CMC1: variants seen among roughly 807,000 people sequenced by gnomAD.
CMC1 encodes C-X9-C motif containing 1.
CMC1 carries 14 observed loss-of-function variants against 14.1 expected under a neutral mutation model. The observed-to-expected ratio is 0.99, with a 90% CI of 0.66 to 1.55. CMC1 has a LOEUF of 1.55. Among genes scored for constraint, CMC1 ranks in the 40% most tolerant of loss-of-function variants. The pLI, the probability that CMC1 is intolerant of heterozygous loss-of-function variation, is 0.00. For synonymous variants in CMC1, 50 were observed against 38.4 expected (o/e 1.30, Z -1.12); for missense variants, 127 against 123.8 (o/e 1.03, Z -0.12).
chr3:28,256,133 G>GA (rs1699392680), intron 1 of CMC1, among the ~76,000 whole-genome samples: 2 of 151,082 alleles, frequency 1.3e-5, no homozygotes, highest in Admixed American at 1.3e-4. Context: ...ATCAGTAGGA[G>GA]AAAAAACATA....
intron 1 of CMC1, among the ~76,000 whole-genome samples, chr3:28,258,389 G>T (rs1699535870): frequency 6.6e-6 from 1 of 151,036 alleles, no homozygotes; most frequent in African/African-American, 2.4e-5. Context: ...GAATTGAAGG[G>T]TCTTTTTTGT....
chr3:28,263,187 T>C lies in CMC1; in HGVS notation c.20-104T>C, dbSNP rs1577001064. On this transcript the variant is annotated intron_variant, in intron 1 of 3. Coordinates refer to ENST00000466830, the MANE Select transcript of CMC1 (RefSeq NM_182523.2). ...ATTTCATAAGGTTGTAAGTTTTGAG[T>C]ATATTTGCATAGGCTTTTATTTTAA... 5.4e-6 allele frequency: 4 copies of C among 735,748 alleles called. No individual in the cohort carries two copies. The East Asian group carries it at 1.1e-4, about 21-fold the overall frequency. 45.6% of individuals were successfully genotyped at this position (735,748 alleles called of 1,614,324 possible). A position where few individuals can be genotyped will look rare whatever the true frequency, so the allele number is the denominator to read the frequency against.
At chr3:28,301,450 G>C (rs1702042815) in intron 2 of CMC1, among the ~76,000 whole-genome samples, 1 of 152,106 alleles carries the variant, frequency 6.6e-6, no homozygotes, top group Non-Finnish European at 1.5e-5. Context: ...TGAATTCCTG[G>C]ATTCAAGCGA....
At chr3:28,243,900 A>G (rs1698668909) in intron 1 of CMC1, among the ~76,000 whole-genome samples, 1 of 152,250 alleles carries the variant, frequency 6.6e-6, no homozygotes, top group Non-Finnish European at 1.5e-5. Context: ...CATGTGGTAG[A>G]TGGTGAAGAG....
intron 1 of CMC1, 153 bp downstream of exon 1, chr3:28,241,965 C>T (rs768126881): frequency 9.0e-6 from 6 of 663,544 alleles, no homozygotes; most frequent in Non-Finnish European, 1.3e-5. Context: ...CTGCTTCGCC[C>T]GGTCTGAGGT....
chr3:28,245,593 G>T (rs551148425), intron 1 of CMC1, among the ~76,000 whole-genome samples: 63 of 152,200 alleles, frequency 4.1e-4, no homozygotes, highest in Non-Finnish European at 8.8e-4. Flanking sequence ...TTCTATTGCT[G>T]TTTTTTTCCG....
intron 2 of CMC1, among the ~76,000 whole-genome samples, chr3:28,298,716 A>G (rs1375692654): frequency 6.6e-6 from 1 of 152,062 alleles, no homozygotes; most frequent in East Asian, 1.9e-4. Flanking sequence ...ATTAAGAAAT[A>G]AAAGAGGAGG....
At chr3:28,279,368 A>T (rs1700750537) in intron 2 of CMC1, among the ~76,000 whole-genome samples, 1 of 152,214 alleles carries the variant, frequency 6.6e-6, no homozygotes, top group African/African-American at 2.4e-5. Flanking sequence ...AATTATTCAG[A>T]AAAAACAGAA....
chr3:28,242,145 G>GA (rs1384888936), intron 1 of CMC1, among the ~76,000 whole-genome samples: 8 of 152,188 alleles, frequency 5.3e-5, no homozygotes, highest in African/African-American at 1.9e-4. Flanking sequence ...TCTGGCCCCA[G>GA]AAAAATTTGT....
chr3:28,302,102 C>A (rs567669089), intron 2 of CMC1, among the ~76,000 whole-genome samples: 3 of 152,240 alleles, frequency 2.0e-5, no homozygotes, highest in African/African-American at 4.8e-5. Flanking sequence ...TGTCCAGGGC[C>A]CTCGATAAGT....
At chr3:28,299,572 A>C (rs1197702292) in intron 2 of CMC1, among the ~76,000 whole-genome samples, 1 of 152,140 alleles carries the variant, frequency 6.6e-6, no homozygotes, top group Non-Finnish European at 1.5e-5. Context: ...ACTAATCTTT[A>C]AAGTAGCAAG....
At chr3:28,243,515 GC>G (rs1340358518) in intron 1 of CMC1, among the ~76,000 whole-genome samples, 4 of 152,194 alleles carry the variant, frequency 2.6e-5, no homozygotes, top group Non-Finnish European at 5.9e-5. Context: ...CTCTTCACTT[GC>G]TTACCTTCCA....
At chr3:28,281,977 C>T (rs1016040523) in intron 2 of CMC1, among the ~76,000 whole-genome samples, 1 of 152,036 alleles carries the variant, frequency 6.6e-6, no homozygotes, top group Non-Finnish European at 1.5e-5. Context: ...AGAGTCAAGG[C>T]TGATTTTGGA....
chr3:28,244,024 A>C (rs1698675308), intron 1 of CMC1, among the ~76,000 whole-genome samples: 1 of 152,212 alleles, frequency 6.6e-6, no homozygotes, highest in Admixed American at 6.5e-5. Context: ...TAAAATATTT[A>C]ACTTGAACGT....
At chr3:28,252,131 G>A (rs1248746835) in intron 1 of CMC1, among the ~76,000 whole-genome samples, 3 of 152,050 alleles carry the variant, frequency 2.0e-5, no homozygotes, top group African/African-American at 7.2e-5. Context: ...GTCCCTTTCT[G>A]GCCTCCTCTT....
intron 2 of CMC1, among the ~76,000 whole-genome samples, chr3:28,269,269 A>G (rs2125479934): frequency 6.6e-6 from 1 of 152,262 alleles, no homozygotes; most frequent in Non-Finnish European, 1.5e-5. Context: ...TCTCAATTGT[A>G]TGTGTTAGCT....
At chr3:28,304,706 TAGA>T (rs1325696370) in intron 2 of CMC1, among the ~76,000 whole-genome samples, 1 of 152,196 alleles carries the variant, frequency 6.6e-6, no homozygotes, top group Non-Finnish European at 1.5e-5. Flanking sequence ...AAATAATTTA[TAGA>T]AGAATGAAGA....
At chr3:28,245,577 G>A (rs1026276880) in intron 1 of CMC1, among the ~76,000 whole-genome samples, 2 of 152,180 alleles carry the variant, frequency 1.3e-5, no homozygotes, top group African/African-American at 4.8e-5. Context: ...GTGTGTCCCT[G>A]TGTCCTTCTA....
chr3:28,261,109 T>G (rs1699714013), intron 1 of CMC1, among the ~76,000 whole-genome samples: 2 of 152,224 alleles, frequency 1.3e-5, no homozygotes, highest in African/African-American at 4.8e-5. Context: ...ACTTCACAGT[T>G]TTAACGAACT....
Sources: gnomAD v4.1 joint callset for allele counts (sites outside exome capture counted in the v4.1 genomes callset) on GRCh38, gnomAD v4.1.1 for gene constraint, MANE v1.5 for transcripts, NCBI Gene and HGNC (gene_info 2026-07-23, HGNC 2026-07-21) for gene names.